SBK3: variants seen among roughly 807,000 people sequenced by gnomAD.
SBK3 encodes the protein SH3 domain binding kinase family member 3.
In SBK3, 16 loss-of-function variants were observed where a neutral mutation model predicts 12.7. The observed-to-expected ratio is 1.26, with a 90% CI of 0.86 to 1.92. The LOEUF (loss-of-function observed/expected upper bound fraction) is 1.92, where lower values mean the gene tolerates loss of function less well. Among genes scored for constraint, SBK3 ranks in the 40% most tolerant of loss-of-function variants. The pLI, the probability that SBK3 is intolerant of heterozygous loss-of-function variation, is 0.00. For missense variants in SBK3, 462 were observed against 481.8 expected (o/e 0.96, Z 0.38); for synonymous variants, 217 against 213.6 (o/e 1.02, Z -0.14).
chr19:55,540,944 C>A lies in SBK3; in HGVS notation c.982G>T (p.Asp328Tyr). 2 of 1,536,090 alleles carry A rather than the reference C, an allele frequency of 1.3e-6. No individual in the cohort carries two copies. The highest frequency in any genetic ancestry group is 1.2e-5 in the South Asian group (1 of 84,054). ...AGGCTTGAGCCTCCCTCCTCCCTGT[C>A]CTCATAGGACACGGCGCTCCCCAAA... ...GVLGSAVSYE[D>Y]REEGGSSLEE... is the part of the protein sequence containing the mutation. Residue 328 changes from aspartate (D) to tyrosine (Y), a missense_variant, in exon 4 of 4, where the codon GAC (aspartate) becomes TAC (tyrosine). Transcript: ENST00000612221.
rs2123495361 is a variant in SBK3 at position 55,545,115 on chromosome 19, C to T, written c.46-166G>A. ...CAGTGACTCACCCGGACTCGGGCCA[C>T]CTGTTTTTGTGTCCTGGAGAGGTTA... On this transcript the variant is annotated intron_variant, in intron 1 of 3. Transcript: ENST00000612221. The surrounding 1 kb of genome is among the most constrained non-coding windows in gnomAD (Gnocchi z 4.4). 1 of 606,180 alleles carries T rather than the reference C, an allele frequency of 1.6e-6. No individual in the cohort carries two copies. Among genetic ancestry groups the T allele is most frequent in the Admixed American group, 3.2e-5 (1 of 31,648 alleles). The allele number at this position is 606,180 out of a possible 1,614,324, so 37.6% of individuals were successfully genotyped here. A position where few individuals can be genotyped will look rare whatever the true frequency, so the allele number is the denominator to read the frequency against.
In SBK3 at chr19:55,545,415, C is replaced by G; in HGVS notation, c.45+84G>C. 2.9e-4 allele frequency: 319 copies of G among 1,087,944 alleles called. No homozygotes were observed. Among genetic ancestry groups the G allele is most frequent in the Non-Finnish European group, 3.8e-4 (283 of 751,574 alleles). The allele number at this position is 1,087,944 out of a possible 1,614,324, so 67.4% of individuals were successfully genotyped here. A position where few individuals can be genotyped will look rare whatever the true frequency, so the allele number is the denominator to read the frequency against. On this transcript the variant is annotated intron_variant, in intron 1 of 3. Coordinates refer to ENST00000612221, the MANE Select transcript of SBK3 (RefSeq NM_001199824.2). The surrounding 1 kb of genome is among the most constrained non-coding windows in gnomAD (Gnocchi z 4.4). Reference sequence around the variant, plus strand: ...TTGCGTTTCCCTGTTTTCTGTTTCTCTTCCTCTCTCTCCCCGTGTTGCCTC... The same window carrying G: ...TTGCGTTTCCCTGTTTTCTGTTTCTGTTCCTCTCTCTCCCCGTGTTGCCTC...
chr19:55,545,224 C>T lies in SBK3; in HGVS notation c.45+275G>A, dbSNP rs142374112. 434 of 581,512 alleles carry T rather than the reference C, an allele frequency of 7.5e-4. No homozygotes were observed. Among genetic ancestry groups the T allele is most frequent in the African/African-American group, 7.3e-3 (386 of 53,216 alleles). 36.0% of individuals were successfully genotyped at this position (581,512 alleles called of 1,614,324 possible). A position where few individuals can be genotyped will look rare whatever the true frequency, so the allele number is the denominator to read the frequency against. On this transcript the variant is annotated intron_variant, in intron 1 of 3. Coordinates refer to ENST00000612221, the MANE Select transcript of SBK3 (RefSeq NM_001199824.2). This position sits in a 1 kb window ranked among gnomAD's most constrained non-coding sequence, Gnocchi z 4.4. Reference sequence around the variant, plus strand: ...CCAGCCCCGAGTGGGGGTGCATCCTCAGCCCACACAGTCCCCCTGCCCACC... The same window carrying T: ...CCAGCCCCGAGTGGGGGTGCATCCTTAGCCCACACAGTCCCCCTGCCCACC...
chr19:55,545,538 C>A lies in SBK3; in HGVS notation c.6G>T (p.Glu2Asp). The change falls in exon 1 of 4, where the codon GAG becomes GAT. Residue 2 changes from glutamate (E) to aspartate (D), a missense_variant. By Grantham distance (45) the Glu-to-Asp change is conservative (BLOSUM62 2). Transcript: ENST00000612221. The surrounding 1 kb of genome is among the most constrained non-coding windows in gnomAD (Gnocchi z 4.4). MERRASETPEDG... is the reference protein window; with the variant it reads MDRRASETPEDG... ...CCTCAGGGGTCTCGGAGGCCCTGCG[C>A]TCCATCTCAGGGCTTCCTGATGTGG... 6.5e-7 allele frequency: 1 copy of A among 1,534,896 alleles called. No homozygotes were observed. Among genetic ancestry groups the A allele is most frequent in the Non-Finnish European group, 8.7e-7 (1 of 1,146,226 alleles).
At chr19:55,542,502 CCAAT>C (rs1280453278) in intron 3 of SBK3, among the ~76,000 whole-genome samples, 14 of 145,678 alleles carry the variant, frequency 9.6e-5, no homozygotes, top group African/African-American at 2.8e-4. Context: ...CATCCACCCA[CCAAT>C]CCTTCCTTCC....
At chr19:55,542,745 C>G (rs1299583218) in intron 3 of SBK3, among the ~76,000 whole-genome samples, 6 of 149,518 alleles carry the variant, frequency 4.0e-5, no homozygotes, top group African/African-American at 1.5e-4. Context: ...TCCATCCATT[C>G]ACTCACCCAC....
At chr19:55,542,327 A>G (rs554527898) in intron 3 of SBK3, among the ~76,000 whole-genome samples, 65 of 152,094 alleles carry the variant, frequency 4.3e-4, no homozygotes, top group African/African-American at 1.5e-3. Context: ...CCTTTCACCC[A>G]TCCACTCACC....
In SBK3 at chr19:55,544,846, C is replaced by G. The variant is rs540887246; in HGVS notation, c.149G>C (p.Gly50Ala). The change falls in exon 2 of 4, where the codon GGC becomes GCC. Residue 50 changes from glycine (G) to alanine (A), a missense_variant. Physicochemically the swap from Gly to Ala is moderately conservative, Grantham distance 60. Transcript: ENST00000612221. ...GAGCACGCGGCCGTAGGAGCCGGAG[C>G]CCAGCTTCCGGATGAGGTGGTACTG... ...RDQYHLIRKL[G>A]SGSYGRVLLA... The G allele has an allele frequency of 7.2e-5, 111 of 1,532,096 alleles. 3 individuals are homozygous for G. The South Asian group carries it at 1.3e-3, about 18-fold the overall frequency. 94.9% of individuals were successfully genotyped at this position (1,532,096 alleles called of 1,614,324 possible). A position where few individuals can be genotyped will look rare whatever the true frequency, so the allele number is the denominator to read the frequency against.
At position 55,541,488 on chromosome 19, in the gene SBK3, C is replaced by G. The variant is rs761315495; in HGVS notation, c.438G>C (p.Gln146His). 3 of 1,526,894 alleles carry G rather than the reference C, an allele frequency of 2.0e-6. No homozygotes were observed. 94.6% of individuals were successfully genotyped at this position (1,526,894 alleles called of 1,614,324 possible). A position where few individuals can be genotyped will look rare whatever the true frequency, so the allele number is the denominator to read the frequency against. The change falls in exon 4 of 4, where the codon CAG (glutamine) becomes CAC (histidine). Residue 146 changes from glutamine to histidine, a missense_variant. By Grantham distance (24) the Gln-to-His change is conservative (BLOSUM62 0). Coordinates refer to ENST00000612221, the MANE Select transcript of SBK3 (RefSeq NM_001199824.2). This position sits in a 1 kb window ranked among gnomAD's most constrained non-coding sequence, Gnocchi z 5.3. The part of the protein sequence containing the change: ...PELLVKRVVA[Q>H]LAGALDFLHS... Reference sequence around the variant, plus strand: ...GGAGGAAGTCCAGAGCTCCTGCCAACTGGGCCACCACCCGCTTCACCAGCA... The same window carrying G: ...GGAGGAAGTCCAGAGCTCCTGCCAAGTGGGCCACCACCCGCTTCACCAGCA...
rs780726381 is a variant in SBK3, at chr19:55,544,135, G to A, written c.364C>T (p.Pro122Ser). The A allele has an allele frequency of 1.8e-5, 28 of 1,531,030 alleles. No individual in the cohort carries two copies. In the East Asian group the frequency reaches 3.2e-4, roughly 17 times the overall value. The allele number at this position is 1,531,030 out of a possible 1,614,324, so 94.8% of individuals were successfully genotyped here. ...RYFAFAQEYA[P>S]CGDLSGMLQE... ...AGCATCCCGCTGAGGTCCCCACAGG[G>A]CGCGTACTCCTGGGCGAAGGCAAAA... is the stretch of plus-strand genomic sequence containing the variant. The change falls in exon 3 of 4, where the codon CCC becomes TCC. Residue 122 changes from proline to serine, a missense_variant. Coordinates refer to ENST00000612221, the MANE Select transcript of SBK3 (RefSeq NM_001199824.2).
intron 3 of SBK3, among the ~76,000 whole-genome samples, chr19:55,543,446 C>T (rs970243760): frequency 6.0e-5 from 9 of 150,784 alleles, no homozygotes; most frequent in Non-Finnish European, 1.2e-4. Context: ...CCTTCTAATT[C>T]TCAATGAGAC....
chr19:55,542,813 G>GATCCATCCATCCATCCATCCATCC (rs775579408), intron 3 of SBK3, among the ~76,000 whole-genome samples: 20 of 63,724 alleles, frequency 3.1e-4, no homozygotes, highest in South Asian at 6.1e-4. Flanking sequence ...TCCTTCTATC[G>GATCCATCCATCCATCCATCCATCC]ATCCATCCAT....
In SBK3 at chr19:55,544,148, G is replaced by C; in HGVS notation, c.351C>G (p.Ala117=). 6.5e-7 allele frequency: 1 copy of C among 1,534,686 alleles called. No homozygotes were observed. Among genetic ancestry groups the C allele is most frequent in the Non-Finnish European group, 8.7e-7 (1 of 1,146,228 alleles). ...PLQTPRYFAF[A]QEYAPCGDLS... ...GGTCCCCACAGGGCGCGTACTCCTG[G>C]GCGAAGGCAAAATAGCGGGGGGTCT... The change falls in exon 3 of 4, where the codon GCC becomes GCG. Residue 117 remains alanine (A), a synonymous_variant. Coordinates refer to ENST00000612221, the MANE Select transcript of SBK3 (RefSeq NM_001199824.2).
At position 55,541,042 on chromosome 19, in the gene SBK3, C is replaced by G. The variant is rs1246119736; in HGVS notation, c.884G>C (p.Ser295Thr). ...GAAGTCCAGGACAGCCAGTGGGGGG[C>G]TCCTAGTCTCGGGATCCAGGTCCAG... Reference protein sequence around the residue: ...GLLDLDPETRSPPLAVLDFLG... With the variant: ...GLLDLDPETRTPPLAVLDFLG... The change falls in exon 4 of 4, where the codon AGC (serine) becomes ACC (threonine). Residue 295 changes from serine (S) to threonine (T), a missense_variant. Physicochemically the swap from Ser to Thr is moderately conservative, Grantham distance 58. Coordinates refer to ENST00000612221, the MANE Select transcript of SBK3 (RefSeq NM_001199824.2). This position sits in a 1 kb window ranked among gnomAD's most constrained non-coding sequence, Gnocchi z 5.3. The G allele has an allele frequency of 4.6e-6, 7 of 1,535,920 alleles. No homozygotes were observed. The highest frequency in any genetic ancestry group is 5.2e-6 in the Non-Finnish European group (6 of 1,146,884).
rs1282816279 is a variant in SBK3 at position 55,545,319 on chromosome 19, G to T, written c.45+180C>A. The T allele has an allele frequency of 1.7e-6, 1 of 601,508 alleles. No individual in the cohort carries two copies. Among genetic ancestry groups the T allele is most frequent in the Non-Finnish European group, 2.9e-6 (1 of 341,194 alleles). The allele number at this position is 601,508 out of a possible 1,614,324, so 37.3% of individuals were successfully genotyped here. On this transcript the variant is annotated intron_variant, in intron 1 of 3. Transcript: ENST00000612221. The surrounding 1 kb of genome is among the most constrained non-coding windows in gnomAD (Gnocchi z 4.4). ...TGTGTTTCTGAGTCCAATTCTCTGG[G>T]GGCCTTGGTCTCGCTGTGTGTCCTT...
chr19:55,543,558 C>T (rs1272862781), intron 3 of SBK3, among the ~76,000 whole-genome samples: 2 of 151,826 alleles, frequency 1.3e-5, no homozygotes, highest in African/African-American at 2.4e-5. Flanking sequence ...GAAACTATCC[C>T]TACCCCTAAT....
chr19:55,544,931 GGGCTGT>G lies in SBK3; in HGVS notation c.58_63del (p.Thr20_Ala21del). Reference sequence around the variant, plus strand: ...GTCGTCAGCTCCACCAGCCGTTGGAGGGCTGTGGCTGTGTCCTCCTACGGGAGAGGG... The same window carrying G: ...GTCGTCAGCTCCACCAGCCGTTGGAGGGCTGTGTCCTCCTACGGGAGAGGG... On this transcript the variant is annotated inframe_deletion, in exon 2 of 4. Transcript: ENST00000612221. 2 of 1,533,390 alleles carry G rather than the reference GGGCTGT, an allele frequency of 1.3e-6. No homozygotes were observed. The highest frequency in any genetic ancestry group is 1.7e-6 in the Non-Finnish European group (2 of 1,145,962). 95.0% of individuals were successfully genotyped at this position (1,533,390 alleles called of 1,614,324 possible).
rs770856952 is a variant in SBK3 at position 55,544,273 on chromosome 19, G to A, written c.226C>T (p.Arg76Trp). Residue 76 changes from arginine (R) to tryptophan (W), a missense_variant, in exon 3 of 4, where the codon CGG (arginine) becomes TGG (tryptophan). Arg to Trp is a moderately radical substitution (Grantham distance 101). Coordinates refer to ENST00000612221, the MANE Select transcript of SBK3 (RefSeq NM_001199824.2). Reference sequence around the variant, plus strand: ...AAGGTGCTTCTCAGGACCAAATCCCGACGCAGGAGCTTCAGAGCCACAGCT... The same window carrying A: ...AAGGTGCTTCTCAGGACCAAATCCCAACGCAGGAGCTTCAGAGCCACAGCT... ...GPAVALKLLR[R>W]DLVLRSTFLR... The A allele has an allele frequency of 1.3e-5, 20 of 1,535,826 alleles. No homozygotes were observed. The highest frequency in any genetic ancestry group is 9.6e-5 in the African/African-American group (7 of 72,990).
chr19:55,541,474 A>T lies in SBK3; in HGVS notation c.452T>A (p.Leu151Gln), dbSNP rs61910755. ...CAGCCCCCGGCTGTGGAGGAAGTCC[A>T]GAGCTCCTGCCAACTGGGCCACCAC... Reference protein sequence around the residue: ...KRVVAQLAGALDFLHSRGLVH... With the variant: ...KRVVAQLAGAQDFLHSRGLVH... The change falls in exon 4 of 4, where the codon CTG becomes CAG. Residue 151 changes from leucine (L) to glutamine (Q), a missense_variant. By Grantham distance (113) the Leu-to-Gln change is moderately radical. Coordinates refer to ENST00000612221, the MANE Select transcript of SBK3 (RefSeq NM_001199824.2). The surrounding 1 kb of genome is among the most constrained non-coding windows in gnomAD (Gnocchi z 5.3). 6.5e-7 allele frequency: 1 copy of T among 1,531,174 alleles called. No individual in the cohort carries two copies. Among genetic ancestry groups the T allele is most frequent in the South Asian group, 1.2e-5 (1 of 83,802 alleles). The allele number at this position is 1,531,174 out of a possible 1,614,324, so 94.8% of individuals were successfully genotyped here.
Sources: gnomAD v4.1 joint callset for allele counts (sites outside exome capture counted in the v4.1 genomes callset) on GRCh38, gnomAD v4.1.1 for gene constraint, Gnocchi (gnomAD v3.1) non-coding constraint, MANE v1.5 for transcripts, NCBI Gene and HGNC (gene_info 2026-07-23, HGNC 2026-07-21) for gene names.